The following SIPA1L1 variants were observed in gnomAD, a reference collection of about 807,000 sequenced individuals.
SIPA1L1 encodes the protein signal induced proliferation associated 1 like 1.
A neutral mutation model predicts 162.7 loss-of-function variants in SIPA1L1; 26 were observed. That is an observed-to-expected ratio of 0.16 (90% CI 0.12 to 0.22). SIPA1L1 has a LOEUF of 0.22. Ranked by LOEUF, SIPA1L1 falls within the 10% of genes least tolerant of loss-of-function variation. The pLI, the probability that SIPA1L1 is intolerant of heterozygous loss-of-function variation, is 1.00. For missense variants in SIPA1L1, 1,874 were observed against 2,241.0 expected (o/e 0.84, Z 3.31); for synonymous variants, 829 against 837.4 (o/e 0.99, Z 0.17).
At position 71,573,389 on chromosome 14, in the gene SIPA1L1, A is replaced by T. The variant is rs79877047; in HGVS notation, c.-302-14182A>T. On this transcript the variant is annotated intron_variant, in intron 4 of 23. Transcript: ENST00000381232. ...ACTAAGTATCCTAAAATCAAATAAG[A>T]TGCAGTTCCTGGCCTGAAGCACTTA... 1,153 of 358,026 alleles carry T rather than the reference A, an allele frequency of 3.2e-3. 8 individuals carry two copies. The highest frequency in any genetic ancestry group is 0.022 in the African/African-American group (1,018 of 46,934). The allele number at this position is 358,026 out of a possible 1,614,324, so 22.2% of individuals were successfully genotyped here.
intron 2 of SIPA1L1, among the ~76,000 whole-genome samples, chr14:71,417,501 A>AAAAAAAAAAC (rs2042885820): frequency 1.4e-5 from 2 of 146,198 alleles, no homozygotes; most frequent in Non-Finnish European, 3.0e-5. Flanking sequence ...AAAAAAAAAA[A>AAAAAAAAAAC]AAGAAAATCC....
intron 2 of SIPA1L1, among the ~76,000 whole-genome samples, chr14:71,450,975 A>T (rs1343366526): frequency 1.3e-5 from 2 of 152,220 alleles, no homozygotes; most frequent in Admixed American, 1.3e-4. Flanking sequence ...GGCATTATTC[A>T]TGATAGCCAA....
intron 19 of SIPA1L1, among the ~76,000 whole-genome samples, chr14:71,727,652 G>T (rs964020035): frequency 3.3e-5 from 5 of 152,142 alleles, no homozygotes; most frequent in African/African-American, 1.2e-4. Flanking sequence ...TTCCAGGTGT[G>T]ATCCCACTTC....
chr14:71,464,171 C>T (rs2046810940), intron 2 of SIPA1L1, among the ~76,000 whole-genome samples: 1 of 152,160 alleles, frequency 6.6e-6, no homozygotes, highest in South Asian at 2.1e-4. Context: ...TCTAAAGGGA[C>T]TAATCCACTC....
intron 22 of SIPA1L1, among the ~76,000 whole-genome samples, chr14:71,737,549 G>A (rs914583414): frequency 2.0e-5 from 3 of 152,054 alleles, no homozygotes; most frequent in East Asian, 1.9e-4. Context: ...TGTCTAGCTC[G>A]CTGGCTGGCC....
At chr14:71,646,332 A>G (rs1463815171) in intron 7 of SIPA1L1, among the ~76,000 whole-genome samples, 1 of 152,034 alleles carries the variant, frequency 6.6e-6, no homozygotes, top group Admixed American at 6.5e-5. Context: ...GCCCGCCACC[A>G]CGCCCGGCTA....
intron 2 of SIPA1L1, among the ~76,000 whole-genome samples, chr14:71,465,267 G>T (rs117467050): frequency 0.063 from 9,596 of 152,302 alleles, 512 homozygotes; most frequent in Admixed American, 0.18. Flanking sequence ...AAGAGCTTGT[G>T]TCTGTTTTCC....
At chr14:71,352,273 C>T (rs1287700031) in intron 2 of SIPA1L1, among the ~76,000 whole-genome samples, 3 of 152,060 alleles carry the variant, frequency 2.0e-5, no homozygotes, top group Non-Finnish European at 4.4e-5. Context: ...CCTCCCTGGG[C>T]TCAGGTGATC....
chr14:71,673,823 C>T (rs1191565243), intron 12 of SIPA1L1, among the ~76,000 whole-genome samples: 1 of 152,160 alleles, frequency 6.6e-6, no homozygotes, highest in Non-Finnish European at 1.5e-5. Flanking sequence ...AGAAACTGCC[C>T]TACCCACATA....
intron 2 of SIPA1L1, among the ~76,000 whole-genome samples, chr14:71,346,293 T>C (rs1239191701): frequency 6.6e-6 from 1 of 152,234 alleles, no homozygotes; most frequent in African/African-American, 2.4e-5. Flanking sequence ...CTCAACCCTG[T>C]AACTGGAGAC....
intron 2 of SIPA1L1, among the ~76,000 whole-genome samples, chr14:71,365,167 C>T: frequency 6.6e-6 from 1 of 152,056 alleles, no homozygotes; most frequent in Non-Finnish European, 1.5e-5. Context: ...GCTGGGACCA[C>T]ATCACATGCC....
At chr14:71,656,447 T>A (rs973777747) in intron 8 of SIPA1L1, among the ~76,000 whole-genome samples, 5 of 152,212 alleles carry the variant, frequency 3.3e-5, no homozygotes, top group African/African-American at 1.2e-4. Context: ...GCTGATCTGT[T>A]CTATACATAT....
intron 2 of SIPA1L1, among the ~76,000 whole-genome samples, chr14:71,343,147 T>G (rs1287327027): frequency 6.6e-6 from 1 of 152,236 alleles, no homozygotes; most frequent in Non-Finnish European, 1.5e-5. Context: ...CTTTTCATGT[T>G]GACCTGCTTA....
chr14:71,658,070 G>A (rs186390459), intron 8 of SIPA1L1, among the ~76,000 whole-genome samples: 57 of 151,422 alleles, frequency 3.8e-4, no homozygotes, highest in Non-Finnish European at 6.2e-4. Context: ...TGTGCGCTTC[G>A]ATATAATTTC....
intron 4 of SIPA1L1, among the ~76,000 whole-genome samples, chr14:71,537,224 G>T (rs2053977479): frequency 6.6e-6 from 1 of 151,896 alleles, no homozygotes; most frequent in African/African-American, 2.4e-5. Flanking sequence ...TTATTTTTTT[G>T]AGACAGAGTC....
intron 7 of SIPA1L1, among the ~76,000 whole-genome samples, chr14:71,645,247 A>G (rs2042059277): frequency 6.6e-6 from 1 of 152,012 alleles, no homozygotes; most frequent in Admixed American, 6.6e-5. Context: ...AGGACCTTTC[A>G]GTTATTGGGC....
chr14:71,606,702 A>G (rs371937764), intron 5 of SIPA1L1, among the ~76,000 whole-genome samples: 13 of 152,074 alleles, frequency 8.5e-5, no homozygotes, highest in African/African-American at 2.7e-4. Context: ...CTTACCCTGC[A>G]CTAGGGAGTC....
At chr14:71,329,114 T>G (rs977801929) in intron 2 of SIPA1L1, among the ~76,000 whole-genome samples, 1 of 152,240 alleles carries the variant, frequency 6.6e-6, no homozygotes, top group Non-Finnish European at 1.5e-5. Flanking sequence ...TTCTATCTTT[T>G]TAAAGGTTTA....
chr14:71,406,780 GT>G (rs1389313903), intron 2 of SIPA1L1, among the ~76,000 whole-genome samples: 1 of 152,148 alleles, frequency 6.6e-6, no homozygotes, highest in Non-Finnish European at 1.5e-5. Flanking sequence ...AAGGATAATT[GT>G]TAGTTGTGTT....
Sources: allele counts gnomAD v4.1 joint callset (sites outside exome capture counted in the v4.1 genomes callset), GRCh38; gene constraint gnomAD v4.1.1; transcripts MANE v1.5; gene names NCBI Gene and HGNC (gene_info 2026-07-23, HGNC 2026-07-21).